Variants in CEACAM20 observed in about 807,000 individuals in gnomAD.
The protein encoded by CEACAM20 is cell adhesion molecule CEACAM20.
Under a neutral mutation model 61.2 loss-of-function variants are expected in CEACAM20, and 50 were observed. The observed-to-expected ratio is 0.82, with a 90% CI of 0.65 to 1.03. CEACAM20 has a LOEUF of 1.03. CEACAM20 is among the 50% of genes least tolerant of loss of function. The probability of loss-of-function intolerance (pLI) is 0.00; values close to 1 mark genes in which losing one functional copy is unlikely to be tolerated. For missense variants in CEACAM20, 683 were observed against 736.4 expected (o/e 0.93, Z 0.84); for synonymous variants, 282 against 287.7 (o/e 0.98, Z 0.20).
intron 11 of CEACAM20, among the ~76,000 whole-genome samples, chr19:44,509,898 A>G (rs1970921582): frequency 6.6e-6 from 1 of 152,222 alleles, no homozygotes; most frequent in Admixed American, 6.5e-5. Context: ...AAATAGGGAC[A>G]TTGCCTAGGA....
Position 44,522,904 on chromosome 19 carries a change from C to T in CEACAM20, c.481G>A (p.Asp161Asn), listed in dbSNP as rs1971412810. The change falls in exon 4 of 12, where the codon GAT becomes AAT. Residue 161 changes from aspartate to asparagine, a missense_variant. Physicochemically the swap from Asp to Asn is conservative, Grantham distance 23. Coordinates refer to ENST00000614924, the MANE Select transcript of CEACAM20 (RefSeq NM_001102597.3). ...PIFLDVKYGP[D>N]PVEIKLESGV... is the part of the protein sequence containing the mutation. ...GACTCCAATTTGATTTCAACAGGAT[C>T]AGGACCATCTGAGAGGACAGGAACA... 6.2e-7 allele frequency: 1 copy of T among 1,601,740 alleles called. No individual in the cohort carries two copies. Among genetic ancestry groups the T allele is most frequent in the African/African-American group, 1.3e-5 (1 of 74,754 alleles).
chr19:44,527,778 C>T lies in CEACAM20; in HGVS notation c.52+1680G>A, dbSNP rs1174504283. ...GAAGGAGAAGCTGGTCTCAGGGACACACAGCAAGGCTGGGCTGAGCCCTCA... is the reference window on the plus strand; with the variant it reads ...GAAGGAGAAGCTGGTCTCAGGGACATACAGCAAGGCTGGGCTGAGCCCTCA... On this transcript the variant is annotated intron_variant, in intron 1 of 11. Coordinates refer to ENST00000614924, the MANE Select transcript of CEACAM20 (RefSeq NM_001102597.3). Among the ~76,000 whole-genome samples the T allele has an allele frequency of 2.0e-5, 3 of 152,256 alleles. No individual in the cohort carries two copies. The East Asian group carries it at 5.8e-4, about 29-fold the overall frequency.
At chr19:44,525,075 T>C in intron 2 of CEACAM20, 26 bp downstream of exon 2, 1 of 1,605,908 alleles carries the variant, frequency 6.2e-7, no homozygotes, top group East Asian at 2.3e-5. Flanking sequence ...GAGATCAGAA[T>C]GACCGTCTTG....
Position 44,506,179 on chromosome 19 carries a change from T to A in CEACAM20, c.1773A>T (p.Gln591His). ...LVNPEPNTYIQINPSV is the reference protein window; with the variant it reads ...LVNPEPNTYIHINPSV ...GCTTCCATTAGACGGAGGGGTTGAT[T>A]TGGATGTAAGTGTTGGGCTCTGGAT... The change falls in exon 12 of 12, where the codon CAA (glutamine) becomes CAT (histidine). Residue 591 changes from glutamine to histidine, a missense_variant. Physicochemically the swap from Gln to His is conservative, Grantham distance 24. Coordinates refer to ENST00000614924, the MANE Select transcript of CEACAM20 (RefSeq NM_001102597.3). 1 of 1,613,804 alleles carries A rather than the reference T, an allele frequency of 6.2e-7. No individual in the cohort carries two copies. Among genetic ancestry groups the A allele is most frequent in the Non-Finnish European group, 8.5e-7 (1 of 1,179,792 alleles).
chr19:44,520,737 G>A lies in CEACAM20; in HGVS notation c.767C>T (p.Pro256Leu). 1.2e-6 allele frequency: 2 copies of A among 1,612,956 alleles called. No homozygotes were observed. The highest frequency in any genetic ancestry group is 2.2e-5 in the East Asian group (1 of 44,864). ...GTTCAGGCTTGAAGGCACGACTTGAGGCATGGTCAGTGTTTCTGGAAACAC... is the reference window on the plus strand; with the variant it reads ...GTTCAGGCTTGAAGGCACGACTTGAAGCATGGTCAGTGTTTCTGGAAACAC... Reference protein sequence around the residue: ...KVRVLETLTMPQVVPSSLNLV... With the variant: ...KVRVLETLTMLQVVPSSLNLV... Residue 256 changes from proline (P) to leucine (L), a missense_variant, in exon 5 of 12, where the codon CCT (proline) becomes CTT (leucine). Physicochemically the swap from Pro to Leu is moderately conservative, Grantham distance 98 (BLOSUM62 -3). Coordinates refer to ENST00000614924, the MANE Select transcript of CEACAM20 (RefSeq NM_001102597.3).
In CEACAM20 at chr19:44,511,768, T is replaced by C. The variant is rs1412618989; in HGVS notation, c.1576-96A>G. 4.8e-6 allele frequency: 6 copies of C among 1,249,962 alleles called. No individual in the cohort carries two copies. The African/African-American group carries it at 5.9e-5, about 12-fold the overall frequency. 77.4% of individuals were successfully genotyped at this position (1,249,962 alleles called of 1,614,324 possible). A position where few individuals can be genotyped will look rare whatever the true frequency, so the allele number is the denominator to read the frequency against. ...ATAGCTTTGGCCTCAGAGGCAATTA[T>C]AGCACTTCTGATTCCCAGAGGGCTC... On this transcript the variant is annotated intron_variant, in intron 9 of 11. Coordinates refer to ENST00000614924, the MANE Select transcript of CEACAM20 (RefSeq NM_001102597.3).
At chr19:44,512,575 G>A (rs1332865723) in intron 8 of CEACAM20, among the ~76,000 whole-genome samples, 1 of 152,180 alleles carries the variant, frequency 6.6e-6, no homozygotes, top group Admixed American at 6.5e-5. Context: ...GGAGTGTTGT[G>A]GTTGATTCAT....
chr19:44,528,952 C>CTTTTTTT (rs1971625118), intron 1 of CEACAM20, among the ~76,000 whole-genome samples: 1 of 111,044 alleles, frequency 9.0e-6, no homozygotes, highest in African/African-American at 3.7e-5. Context: ...TTCTCTCTTT[C>CTTTTTTT]TTTCTTTTTT....
At chr19:44,518,589 C>T (rs949617734) in intron 5 of CEACAM20, among the ~76,000 whole-genome samples, 1 of 151,654 alleles carries the variant, frequency 6.6e-6, no homozygotes, top group African/African-American at 2.4e-5. Flanking sequence ...AAAAAAAAAA[C>T]CTAAAAGAGT....
chr19:44,510,987 C>G, intron 11 of CEACAM20, 43 bp downstream of exon 11: 1 of 1,611,002 alleles, frequency 6.2e-7, no homozygotes. Flanking sequence ...AGATTGGTGA[C>G]AGATTTCCAC....
intron 10 of CEACAM20, 144 bp from the exon 11 acceptor site, chr19:44,511,299 C>T: frequency 8.2e-7 from 1 of 1,217,834 alleles, no homozygotes; most frequent in Non-Finnish European, 1.1e-6. Flanking sequence ...AGGGTTAGAA[C>T]CCAGGCCCTT....
rs768724463 is a variant in CEACAM20, at chr19:44,524,221, G to A, written c.237C>T (p.Ala79=). 3 of 1,613,880 alleles carry A rather than the reference G, an allele frequency of 1.9e-6. No homozygotes were observed. Among genetic ancestry groups the A allele is most frequent in the South Asian group, 2.2e-5 (2 of 91,064 alleles). ...KPSIAVSPGT[A]IEQKDMVTFY... ...AGGTCACCATGTCCTTCTGCTCTAT[G>A]GCAGTGCCTGGGCTGACTGCAATGG... is the stretch of plus-strand genomic sequence containing the variant. Residue 79 remains alanine (A), a synonymous_variant, in exon 3 of 12, where the codon GCC becomes GCT. Transcript: ENST00000614924.
intron 1 of CEACAM20, among the ~76,000 whole-genome samples, chr19:44,527,152 T>G (rs1477338767): frequency 1.3e-5 from 2 of 152,156 alleles, no homozygotes; most frequent in African/African-American, 4.8e-5. Flanking sequence ...CTCAGTTTCT[T>G]CCACTGAAAA....
At chr19:44,509,323 A>G (rs147373778) in intron 11 of CEACAM20, among the ~76,000 whole-genome samples, 11 of 152,046 alleles carry the variant, frequency 7.2e-5, no homozygotes. Context: ...AGTAGAAGGA[A>G]AGTATAACAT....
At chr19:44,512,782 G>C in intron 8 of CEACAM20, 86 bp downstream of exon 8, 1 of 1,060,142 alleles carries the variant, frequency 9.4e-7, no homozygotes, top group Non-Finnish European at 1.4e-6. Context: ...ACAGTGACCT[G>C]GTGGCAAAGC....
intron 1 of CEACAM20, among the ~76,000 whole-genome samples, chr19:44,525,861 T>C (rs2103262): frequency 0.54 from 82,794 of 152,056 alleles, 25,823 homozygotes; most frequent in African/African-American, 0.84. Flanking sequence ...TTTGACTGGG[T>C]CCCCTGATAG....
At chr19:44,528,695 CAT>C (rs1971612111) in intron 1 of CEACAM20, among the ~76,000 whole-genome samples, 1 of 152,048 alleles carries the variant, frequency 6.6e-6, no homozygotes, top group Non-Finnish European at 1.5e-5. Flanking sequence ...CACAAACACA[CAT>C]CTTTGTCTTT....
In CEACAM20 at chr19:44,517,089, A is replaced by G. The variant is rs1452715419; in HGVS notation, c.1166T>C (p.Leu389Pro). The G allele has an allele frequency of 3.1e-6, 5 of 1,611,322 alleles. No homozygotes were observed. Among genetic ancestry groups the G allele is most frequent in the Non-Finnish European group, 4.2e-6 (5 of 1,178,832 alleles). ...SKPGAEYRWT[L>P]EHSTGEHLGE... ...CAGGTGCTCCCCGGTGGAGTGTTCA[A>G]GAGTCCAGCGATACTCAGCACCTGG... The change falls in exon 6 of 12, where the codon CTT becomes CCT. Residue 389 changes from leucine (L) to proline (P), a missense_variant. Coordinates refer to ENST00000614924, the MANE Select transcript of CEACAM20 (RefSeq NM_001102597.3).
Position 44,527,143 on chromosome 19 carries a change from TCA to T in CEACAM20, c.53-1901_53-1900del, listed in dbSNP as rs563014493. On this transcript the variant is annotated intron_variant, in intron 1 of 11. Coordinates refer to ENST00000614924, the MANE Select transcript of CEACAM20 (RefSeq NM_001102597.3). Reference sequence around the variant, plus strand: ...GTAAGGGACTTTCTCTTTGTGAGCCTCAGTTTCTTCCACTGAAAAATGGAGAT... The same window carrying T: ...GTAAGGGACTTTCTCTTTGTGAGCCTGTTTCTTCCACTGAAAAATGGAGAT... Among the ~76,000 whole-genome samples, 699 of 152,312 alleles carry T rather than the reference TCA, an allele frequency of 4.6e-3. 5 individuals carry two copies. Among genetic ancestry groups the T allele is most frequent in the African/African-American group, 0.016 (660 of 41,562 alleles).
Sources: allele counts gnomAD v4.1 joint callset (sites outside exome capture counted in the v4.1 genomes callset), GRCh38; gene constraint gnomAD v4.1.1; transcripts MANE v1.5; gene names NCBI Gene and HGNC (gene_info 2026-07-23, HGNC 2026-07-21).